TSPO2: variants seen among roughly 807,000 people sequenced by gnomAD.
TSPO2 encodes the protein translocator protein 2.
In TSPO2, 15 loss-of-function variants were observed where a neutral mutation model predicts 13.3. That is an observed-to-expected ratio of 1.13 (90% CI 0.75 to 1.73). TSPO2 has a LOEUF of 1.73. Ranked by LOEUF, TSPO2 falls within the 40% of genes most tolerant of loss-of-function variation. The probability of loss-of-function intolerance (pLI) is 0.00; values close to 1 mark genes in which losing one functional copy is unlikely to be tolerated. For synonymous variants in TSPO2, 81 were observed against 91.6 expected, an observed-to-expected ratio of 0.88 and a Z score of 0.66; for missense variants, 202 against 198.3, an observed-to-expected ratio of 1.02 and a Z score of -0.11.
chr6:41,043,948 G>A lies in TSPO2; in HGVS notation c.324G>A (p.Leu108=). 1.2e-6 allele frequency: 2 copies of A among 1,613,526 alleles called. No individual in the cohort carries two copies. ...FTVHNPGLAL[L]HLLLLYGLVV... is the part of the protein sequence containing the mutation. ...CCGGCCTCTATGCCCAGGCCCTGCTGCACCTGCTGCTGCTGTATGGGCTGG... is the reference window on the plus strand; with the variant it reads ...CCGGCCTCTATGCCCAGGCCCTGCTACACCTGCTGCTGCTGTATGGGCTGG... The change falls in exon 4 of 4, where the codon CTG becomes CTA. Residue 108 remains leucine (L), a synonymous_variant. Coordinates refer to ENST00000373161, the MANE Select transcript of TSPO2 (RefSeq NM_001010873.3).
At chr6:41,043,778 A>G in intron 3 of TSPO2, 80 bp downstream of exon 3, 1 of 1,555,270 alleles carries the variant, frequency 6.4e-7, no homozygotes, top group Non-Finnish European at 8.7e-7. Flanking sequence ...ATAATTCAGC[A>G]GAGCAATTGA....
At position 41,044,276 on chromosome 6, in the gene TSPO2, A is replaced by C; in HGVS notation, c.*139A>C. 4 of 750,648 alleles carry C rather than the reference A, an allele frequency of 5.3e-6. No homozygotes were observed. The highest frequency in any genetic ancestry group is 6.6e-6 in the Non-Finnish European group (3 of 456,542). The allele number at this position is 750,648 out of a possible 1,614,324, so 46.5% of individuals were successfully genotyped here. ...CCGTTTTTCCTTAGAAATCAGAGAA[A>C]TGGGAAAGGGGGGGAAACTGATTTT... On this transcript the variant is annotated 3_prime_UTR_variant, in exon 4 of 4. Coordinates refer to ENST00000373161, the MANE Select transcript of TSPO2 (RefSeq NM_001010873.3).
At chr6:41,043,913 C>G (rs771514116) in intron 3 of TSPO2, 27 bp from the exon 4 acceptor site, 1 of 1,604,972 alleles carries the variant, frequency 6.2e-7, no homozygotes, top group Non-Finnish European at 8.5e-7. Context: ...CTCGGGCAGC[C>G]AGCTGACCCC....
intron 2 of TSPO2, 91 bp from the exon 3 acceptor site, chr6:41,043,466 A>G: frequency 6.8e-7 from 1 of 1,477,134 alleles, no homozygotes; most frequent in Non-Finnish European, 9.1e-7. Context: ...TCAGCCCACA[A>G]GGGTATCCAA....
chr6:41,043,785 T>C, intron 3 of TSPO2, 87 bp downstream of exon 3: 1 of 1,555,552 alleles, frequency 6.4e-7, no homozygotes, highest in South Asian at 1.2e-5. Context: ...AGCAGAGCAA[T>C]TGAGTGCAGG....
At position 41,043,156 on chromosome 6, in the gene TSPO2, G is replaced by A. The variant is rs767530854; in HGVS notation, c.171G>A (p.Val57=). Residue 57 remains valine, a splice_region_variant and synonymous_variant, in exon 2 of 4, where the codon GTG becomes GTA. Transcript: ENST00000373161. ...LLVQTAIYSV[V]GYASYLVWKD... ...TACAGACAGCCATCTACTCTGTCGT[G>A]GGGTGAGTACTTGTTTCTCACACAT... The A allele has an allele frequency of 9.3e-6, 15 of 1,609,424 alleles. No individual in the cohort carries two copies. The South Asian group carries it at 1.0e-4, about 11-fold the overall frequency.
At position 41,043,696 on chromosome 6, in the gene TSPO2, C is replaced by G; in HGVS notation, c.313C>G (p.Leu105Val). 6.3e-7 allele frequency: 1 copy of G among 1,598,572 alleles called. No homozygotes were observed. The highest frequency in any genetic ancestry group is 8.5e-7 in the Non-Finnish European group (1 of 1,171,930). ...VLFFTVHNPG[L>V]ALLHLLLLYG... ...CTTTTTCACAGTCCACAACCCTGGT[C>G]TGGTAAGGCACACAGTGCTCAGTAG... is the stretch of plus-strand genomic sequence containing the variant. The change falls in exon 3 of 4, where the codon CTG (leucine) becomes GTG (valine). Residue 105 changes from leucine (L) to valine (V), a missense_variant and splice_region_variant. Transcript: ENST00000373161.
At chr6:41,043,212 T>C (rs966731232) in intron 2 of TSPO2, 54 bp downstream of exon 2, 19 of 1,549,940 alleles carry the variant, frequency 1.2e-5, no homozygotes, top group Non-Finnish European at 1.6e-5. Flanking sequence ...TGGGAACAAG[T>C]CCTCTATATC....
chr6:41,041,676 C>T (rs1428667042), upstream of TSPO2, among the ~76,000 whole-genome samples: 5 of 151,152 alleles, frequency 3.3e-5, no homozygotes, highest in Non-Finnish European at 7.4e-5. Context: ...TGACCCTTGA[C>T]AGAAAAGGAT....
chr6:41,043,105 C>A lies in TSPO2; in HGVS notation c.120C>A (p.Cys40Ter). ...WCEGPRMLSW[C>*]PFYKVLLLVQ... Reference sequence around the variant, plus strand: ...AGGGCCCGAGGATGCTGTCCTGGTGCCCATTCTACAAAGTCTTATTGCTTG... The same window carrying A: ...AGGGCCCGAGGATGCTGTCCTGGTGACCATTCTACAAAGTCTTATTGCTTG... Residue 40 changes from cysteine (C) to a stop codon, truncating the protein, a stop_gained, in exon 2 of 4, where the codon TGC (cysteine) becomes TGA (stop). Transcript: ENST00000373161. LOFTEE classifies it high-confidence loss of function. 6.2e-7 allele frequency: 1 copy of A among 1,614,098 alleles called. No homozygotes were observed. Among genetic ancestry groups the A allele is most frequent in the South Asian group, 1.1e-5 (1 of 91,082 alleles).
At chr6:41,041,701 C>T (rs1762590676), upstream of TSPO2, among the ~76,000 whole-genome samples, 2 of 152,248 alleles carry the variant, frequency 1.3e-5, no homozygotes, top group South Asian at 2.1e-4. Context: ...TAGGGCCAGG[C>T]ACAGTGGCTC....
chr6:41,041,517 G>A (rs1762588458), upstream of TSPO2, among the ~76,000 whole-genome samples: 1 of 152,216 alleles, frequency 6.6e-6, no homozygotes. Flanking sequence ...GGGCAGGGAG[G>A]GGGCCTCCAC....
Position 41,044,214 on chromosome 6 carries a change from T to C in TSPO2, c.*77T>C. 6.6e-7 allele frequency: 1 copy of C among 1,514,520 alleles called. No homozygotes were observed. The highest frequency in any genetic ancestry group is 9.1e-7 in the Non-Finnish European group (1 of 1,099,470). 93.8% of individuals were successfully genotyped at this position (1,514,520 alleles called of 1,614,324 possible). A position where few individuals can be genotyped will look rare whatever the true frequency, so the allele number is the denominator to read the frequency against. ...GCAAGCAGGGCTGTGGAGTTAGGGT[T>C]CACCCCAATGGGACCACCCTCCTGG... On this transcript the variant is annotated 3_prime_UTR_variant, in exon 4 of 4. Coordinates refer to ENST00000373161, the MANE Select transcript of TSPO2 (RefSeq NM_001010873.3).
chr6:41,041,506 G>A (rs1308910442), upstream of TSPO2, among the ~76,000 whole-genome samples: 2 of 152,230 alleles, frequency 1.3e-5, no homozygotes, highest in Admixed American at 1.3e-4. Flanking sequence ...GGGGCAGGGA[G>A]GGGCAGGGAG....
chr6:41,043,640 A>G lies in TSPO2; in HGVS notation c.257A>G (p.Gln86Arg). Residue 86 changes from glutamine to arginine, a missense_variant, in exon 3 of 4, where the codon CAG becomes CGG. Gln to Arg is a conservative substitution (Grantham distance 43). Transcript: ENST00000373161. Reference protein sequence around the residue: ...LALPLGLYAVQLTISWTVLVL... With the variant: ...LALPLGLYAVRLTISWTVLVL... ...CTGCCTCTTGGCCTCTATGCTGTTC[A>G]GCTCACCATCAGCTGGACTGTCCTG... 6.2e-7 allele frequency: 1 copy of G among 1,613,422 alleles called. No homozygotes were observed. The highest frequency in any genetic ancestry group is 8.5e-7 in the Non-Finnish European group (1 of 1,179,592).
Position 41,043,998 on chromosome 6 carries a change from AT to A in TSPO2, c.375del (p.Ile127SerfsTer13). On this transcript the variant is annotated frameshift_variant, in exon 4 of 4. Coordinates refer to ENST00000373161, the MANE Select transcript of TSPO2 (RefSeq NM_001010873.3). LOFTEE classifies it high-confidence loss of function. ...GTGGTGAGCACAGCACTGATCTGGC[AT>A]CCCATCAACAAACTGGCTGCCCTGT... Reference protein sequence around the residue: ...GLVVSTALIWHPINKLAALLL... With the variant: ...GLVVSTALIWXPINKLAALLL... 1.2e-6 allele frequency: 2 copies of A among 1,614,146 alleles called. No homozygotes were observed. The highest frequency in any genetic ancestry group is 1.7e-6 in the Non-Finnish European group (2 of 1,180,012).
chr6:41,042,006 T>C (rs1269728985), upstream of TSPO2, among the ~76,000 whole-genome samples: 3 of 151,038 alleles, frequency 2.0e-5, no homozygotes, highest in Non-Finnish European at 4.4e-5. Context: ...ATGGATTAGA[T>C]AGTCAGTCCA....
At position 41,042,996 on chromosome 6, in the gene TSPO2, A is replaced by G. The variant is rs577417607; in HGVS notation, c.11A>G (p.Gln4Arg). The change falls in exon 2 of 4, where the codon CAA (glutamine) becomes CGA (arginine). Residue 4 changes from glutamine to arginine, a missense_variant. By Grantham distance (43) the Gln-to-Arg change is conservative. Transcript: ENST00000373161. MRL[Q>R]GAIFVLLPHL... ...GCCTCTTCAAGGTGAATGCGGCTTCAAGGGGCTATCTTTGTGCTCCTGCCC... is the reference window on the plus strand; with the variant it reads ...GCCTCTTCAAGGTGAATGCGGCTTCGAGGGGCTATCTTTGTGCTCCTGCCC... 1 of 1,613,870 alleles carries G rather than the reference A, an allele frequency of 6.2e-7. No individual in the cohort carries two copies. The highest frequency in any genetic ancestry group is 1.1e-5 in the South Asian group (1 of 91,044).
At position 41,043,616 on chromosome 6, in the gene TSPO2, T is replaced by G. The variant is rs1762626264; in HGVS notation, c.233T>G (p.Leu78Arg). 6.2e-7 allele frequency: 1 copy of G among 1,613,354 alleles called. No homozygotes were observed. Among genetic ancestry groups the G allele is most frequent in the Non-Finnish European group, 8.5e-7 (1 of 1,179,498 alleles). The change falls in exon 3 of 4, where the codon CTG (leucine) becomes CGG (arginine). Residue 78 changes from leucine (L) to arginine (R), a missense_variant. By Grantham distance (102) the Leu-to-Arg change is moderately radical. Transcript: ENST00000373161. ...LGGGLGWPLA[L>R]PLGLYAVQLT... ...GGGGGCTTGGGGTGGCCCCTGGCCC[T>G]GCCTCTTGGCCTCTATGCTGTTCAG...
Sources: allele counts gnomAD v4.1 joint callset (sites outside exome capture counted in the v4.1 genomes callset), GRCh38; gene constraint gnomAD v4.1.1; transcripts MANE v1.5; gene names NCBI Gene and HGNC (gene_info 2026-07-23, HGNC 2026-07-21).